ARSB: variants seen among roughly 807,000 people sequenced by gnomAD.
ARSB encodes the protein arylsulfatase B, also known as N-acetylgalactosamine-4-sulfatase.
Under a neutral mutation model 50.9 loss-of-function variants are expected in ARSB, and 41 were observed. The observed-to-expected ratio is 0.81, with a 90% CI of 0.63 to 1.04. The LOEUF is 1.04. Ranked by LOEUF, ARSB falls within the 50% of genes least tolerant of loss-of-function variation. ARSB has a pLI of 0.00. For missense variants in ARSB, 672 were observed against 693.3 expected (o/e 0.97, Z 0.35); for synonymous variants, 269 against 284.8 (o/e 0.94, Z 0.56).
At chr5:78,850,859 A>C (rs1449831558) in intron 5 of ARSB, among the ~76,000 whole-genome samples, 14 of 152,182 alleles carry the variant, frequency 9.2e-5, no homozygotes, top group Non-Finnish European at 1.8e-4. Flanking sequence ...AGGTGTTTGT[A>C]GTATTCTCTG....
intron 5 of ARSB, among the ~76,000 whole-genome samples, chr5:78,875,616 C>T (rs1310476911): frequency 6.6e-6 from 1 of 151,504 alleles, no homozygotes; most frequent in Non-Finnish European, 1.5e-5. Context: ...GTATCATGAT[C>T]GAAAGATGAA....
chr5:78,896,413 G>T (rs1426029500), intron 4 of ARSB, among the ~76,000 whole-genome samples: 2 of 152,122 alleles, frequency 1.3e-5, no homozygotes, highest in Non-Finnish European at 2.9e-5. Flanking sequence ...GAATTGACTG[G>T]AACCAGGTTT....
intron 6 of ARSB, among the ~76,000 whole-genome samples, chr5:78,809,529 A>G (rs1490499686): frequency 6.6e-6 from 1 of 152,252 alleles, no homozygotes; most frequent in Non-Finnish European, 1.5e-5. Context: ...GAGCACGTTC[A>G]GGGAGGAGGG....
intron 4 of ARSB, among the ~76,000 whole-genome samples, chr5:78,915,848 G>A (rs181994499): frequency 2.0e-5 from 3 of 152,158 alleles, no homozygotes; most frequent in East Asian, 1.9e-4. Flanking sequence ...TTTTGAATGC[G>A]ACTAGTCAAA....
intron 4 of ARSB, among the ~76,000 whole-genome samples, chr5:78,927,054 G>A (rs1323925011): frequency 7.9e-5 from 12 of 152,026 alleles, no homozygotes; most frequent in Admixed American, 7.9e-4. Flanking sequence ...GCTAATTTTT[G>A]TATCTTTTTG....
intron 4 of ARSB, among the ~76,000 whole-genome samples, chr5:78,923,878 GC>G (rs1397912742): frequency 1.3e-5 from 2 of 152,084 alleles, no homozygotes; most frequent in African/African-American, 4.8e-5. Flanking sequence ...TTATGTGTGG[GC>G]ATCTGCCTGC....
intron 3 of ARSB, 92 bp from the exon 4 acceptor site, chr5:78,955,594 A>G: frequency 9.4e-7 from 1 of 1,065,380 alleles, no homozygotes; most frequent in Admixed American, 1.9e-5. Context: ...ATTAATAAAA[A>G]TAATATCAAG....
At chr5:78,817,692 C>T (rs1053718731) in intron 6 of ARSB, among the ~76,000 whole-genome samples, 1 of 151,990 alleles carries the variant, frequency 6.6e-6, no homozygotes, top group Non-Finnish European at 1.5e-5. Flanking sequence ...GCCTGTACTC[C>T]CAGCTACTCA....
intron 6 of ARSB, among the ~76,000 whole-genome samples, chr5:78,808,567 C>T (rs551685932): frequency 2.9e-4 from 44 of 152,294 alleles, no homozygotes; most frequent in Admixed American, 4.6e-4. Flanking sequence ...CACAGGGTAG[C>T]TCAGCATGCT....
chr5:78,856,740 T>C (rs555580756), intron 5 of ARSB, among the ~76,000 whole-genome samples: 68 of 152,342 alleles, frequency 4.5e-4, no homozygotes, highest in Admixed American at 1.3e-3. Context: ...CACACATATA[T>C]GCATGTATTC....
At chr5:78,962,756 T>C (rs544650900) in intron 3 of ARSB, among the ~76,000 whole-genome samples, 6 of 152,254 alleles carry the variant, frequency 3.9e-5, no homozygotes. Context: ...TCAGGAGTTG[T>C]ATAACATTTG....
chr5:78,917,420 T>C (rs2112338387), intron 4 of ARSB, among the ~76,000 whole-genome samples: 1 of 152,196 alleles, frequency 6.6e-6, no homozygotes, highest in Middle Eastern at 3.4e-3. Context: ...TACATGCCCA[T>C]CTGAAGTCAT....
chr5:78,972,514 C>T (rs1339302737), intron 1 of ARSB, among the ~76,000 whole-genome samples: 1 of 126,214 alleles, frequency 7.9e-6, no homozygotes, highest in Non-Finnish European at 1.7e-5. Context: ...TGCACGCATA[C>T]GTACACACAC....
At chr5:78,789,865 G>A (rs1749190376) in intron 6 of ARSB, among the ~76,000 whole-genome samples, 1 of 152,156 alleles carries the variant, frequency 6.6e-6, no homozygotes, top group Non-Finnish European at 1.5e-5. Context: ...GCACCATTTG[G>A]GTCAATATGA....
At chr5:78,850,552 A>G (rs997784547) in intron 5 of ARSB, among the ~76,000 whole-genome samples, 6 of 152,242 alleles carry the variant, frequency 3.9e-5, no homozygotes, top group Non-Finnish European at 8.8e-5. Context: ...TGGCTTTGGT[A>G]TCAGGATGAT....
chr5:78,895,854 G>A (rs1250525423), intron 4 of ARSB, among the ~76,000 whole-genome samples: 1 of 152,224 alleles, frequency 6.6e-6, no homozygotes, highest in East Asian at 1.9e-4. Flanking sequence ...GCCAGGGGAA[G>A]AGAGAGGACT....
intron 5 of ARSB, among the ~76,000 whole-genome samples, chr5:78,860,377 A>C (rs1746374083): frequency 6.6e-6 from 1 of 152,206 alleles, no homozygotes; most frequent in Admixed American, 6.5e-5. Flanking sequence ...ACTCCTCAGC[A>C]AATGTAATAG....
At chr5:78,984,316 G>A (rs937799941) in intron 1 of ARSB, among the ~76,000 whole-genome samples, 11 of 152,330 alleles carry the variant, frequency 7.2e-5, no homozygotes, top group South Asian at 2.1e-4. Context: ...CTGTGGAGCC[G>A]TTCCTAAAGG....
chr5:78,853,601 G>T (rs992287685), intron 5 of ARSB, among the ~76,000 whole-genome samples: 1 of 152,178 alleles, frequency 6.6e-6, no homozygotes, highest in Non-Finnish European at 1.5e-5. Context: ...GTCAGACAGG[G>T]ATATTTAAGT....
Sources: allele counts gnomAD v4.1 joint callset (sites outside exome capture counted in the v4.1 genomes callset), GRCh38; gene constraint gnomAD v4.1.1; transcripts MANE v1.5; gene names NCBI Gene and HGNC (gene_info 2026-07-23, HGNC 2026-07-21).